Variants in CATSPERE observed in about 807,000 individuals in gnomAD.
CATSPERE encodes the protein cation channel sperm-associated auxiliary subunit epsilon.
CATSPERE carries 93 observed loss-of-function variants against 114.1 expected under a neutral mutation model. The observed-to-expected ratio is 0.81, with a 90% confidence interval of 0.69 to 0.97. The LOEUF (loss-of-function observed/expected upper bound fraction) is 0.97, where lower values mean the gene tolerates loss of function less well. Ranked by LOEUF, CATSPERE falls within the 50% of genes least tolerant of loss-of-function variation. The probability of loss-of-function intolerance (pLI) is 0.00; values close to 1 mark genes in which losing one functional copy is unlikely to be tolerated. For synonymous variants in CATSPERE, 341 were observed against 384.1 expected (o/e 0.89, Z 1.31); for missense variants, 1,058 against 1,131.6 (o/e 0.93, Z 0.93).
intron 8 of CATSPERE, among the ~76,000 whole-genome samples, chr1:244,522,601 GAAA>G: frequency 6.6e-6 from 1 of 151,610 alleles, no homozygotes; most frequent in South Asian, 2.1e-4. Flanking sequence ...AACTAATAAA[GAAA>G]AAAAGAGAGA....
chr1:244,475,863 C>T, intron 2 of CATSPERE, among the ~76,000 whole-genome samples: 1 of 152,098 alleles, frequency 6.6e-6, no homozygotes, highest in East Asian at 1.9e-4. Flanking sequence ...ATATTAAATG[C>T]TTTTACTGTT....
At chr1:244,487,341 C>T (rs896204711) in intron 5 of CATSPERE, among the ~76,000 whole-genome samples, 1 of 152,118 alleles carries the variant, frequency 6.6e-6, no homozygotes, top group Non-Finnish European at 1.5e-5. Context: ...CCATATTTCC[C>T]TTCTCAATAG....
At chr1:244,604,150 C>T (rs1157388667) in intron 17 of CATSPERE, among the ~76,000 whole-genome samples, 1 of 152,230 alleles carries the variant, frequency 6.6e-6, no homozygotes. Context: ...CACATGTGTG[C>T]ATTTGTCTGT....
At chr1:244,509,090 TC>T (rs1675294068) in intron 7 of CATSPERE, among the ~76,000 whole-genome samples, 1 of 152,044 alleles carries the variant, frequency 6.6e-6, no homozygotes, top group Non-Finnish European at 1.5e-5. Context: ...GGCTAGGACT[TC>T]CAATATTATG....
intron 21 of CATSPERE, among the ~76,000 whole-genome samples, chr1:244,639,500 G>A (rs1675067652): frequency 6.6e-6 from 1 of 152,166 alleles, no homozygotes; most frequent in African/African-American, 2.4e-5. Context: ...GACCAGCCTG[G>A]CCAACATGGT....
intron 20 of CATSPERE, among the ~76,000 whole-genome samples, chr1:244,619,059 A>C (rs1671759785): frequency 6.6e-6 from 1 of 152,180 alleles, no homozygotes; most frequent in South Asian, 2.1e-4. Context: ...TATTGAGATA[A>C]GAGTTCTGAC....
intron 8 of CATSPERE, among the ~76,000 whole-genome samples, chr1:244,543,568 G>C (rs1659216965): frequency 1.3e-5 from 2 of 150,760 alleles, no homozygotes; most frequent in South Asian, 4.2e-4. Context: ...AGATTATTGT[G>C]TATCAGGGTG....
intron 7 of CATSPERE, among the ~76,000 whole-genome samples, chr1:244,514,567 C>T (rs1014896558): frequency 3.9e-5 from 6 of 152,108 alleles, no homozygotes; most frequent in African/African-American, 4.8e-5. Flanking sequence ...CGGTGGCTCA[C>T]GCCTGTAATC....
At chr1:244,518,909 A>T (rs950467529) in intron 8 of CATSPERE, among the ~76,000 whole-genome samples, 1 of 152,104 alleles carries the variant, frequency 6.6e-6, no homozygotes, top group Non-Finnish European at 1.5e-5. Context: ...TCCATACATA[A>T]TCCTCAATCC....
At chr1:244,451,980 G>A (rs1392713572), upstream of CATSPERE, 5 of 667,068 alleles carry the variant, frequency 7.5e-6, no homozygotes, top group East Asian at 6.6e-5. The surrounding 1 kb of genome is among the most constrained non-coding windows in gnomAD (Gnocchi z 6.6). Flanking sequence ...TCCCCGCCCC[G>A]CTCTCCGCCA....
At chr1:244,472,799 G>T (rs1668706800) in intron 2 of CATSPERE, among the ~76,000 whole-genome samples, 1 of 151,966 alleles carries the variant, frequency 6.6e-6, no homozygotes. Flanking sequence ...CCCCTCCCCA[G>T]CCCCTTACAA....
chr1:244,572,575 T>C lies in CATSPERE; in HGVS notation c.1753T>C (p.Tyr585His). ...TTTCACAACAAAAGACAAATGCCCATACATGGCATTTCATAACAATGTTGC... is the reference window on the plus strand; with the variant it reads ...TTTCACAACAAAAGACAAATGCCCACACATGGCATTTCATAACAATGTTGC... The part of the protein sequence containing the change: ...IAFTTKDKCP[Y>H]MAFHNNVAHV... Residue 585 changes from tyrosine to histidine, a missense_variant, in exon 11 of 22, where the codon TAC becomes CAC. Coordinates refer to ENST00000366534, the MANE Select transcript of CATSPERE (RefSeq NM_001130957.2). 1 of 1,613,984 alleles carries C rather than the reference T, an allele frequency of 6.2e-7. No individual in the cohort carries two copies. Among genetic ancestry groups the C allele is most frequent in the Non-Finnish European group, 8.5e-7 (1 of 1,179,844 alleles).
chr1:244,629,327 A>G (rs150982575), intron 20 of CATSPERE, among the ~76,000 whole-genome samples: 1 of 152,270 alleles, frequency 6.6e-6, no homozygotes, highest in Non-Finnish European at 1.5e-5. Context: ...GTCCCTCTGC[A>G]TATTTGGAGA....
intron 7 of CATSPERE, among the ~76,000 whole-genome samples, chr1:244,507,294 A>C (rs1054889475): frequency 6.6e-6 from 1 of 152,262 alleles, no homozygotes; most frequent in Admixed American, 6.5e-5. Context: ...GCTGGATTGC[A>C]TGGTAGTTTC....
At chr1:244,606,560 G>A (rs566972054) in intron 18 of CATSPERE, among the ~76,000 whole-genome samples, 8 of 150,208 alleles carry the variant, frequency 5.3e-5, no homozygotes, top group Admixed American at 5.3e-4. Flanking sequence ...AGAGAACTGA[G>A]TTCCACCTGC....
chr1:244,602,594 C>T (rs967153449), intron 17 of CATSPERE, among the ~76,000 whole-genome samples: 3 of 152,176 alleles, frequency 2.0e-5, no homozygotes. Flanking sequence ...TAGCTGGGAA[C>T]CCAAGTCATC....
chr1:244,492,499 G>C (rs1221586821), intron 6 of CATSPERE, among the ~76,000 whole-genome samples: 1 of 145,182 alleles, frequency 6.9e-6, no homozygotes, highest in South Asian at 2.2e-4. Flanking sequence ...TACTGAATGG[G>C]CAAAAACTGG....
intron 13 of CATSPERE, among the ~76,000 whole-genome samples, chr1:244,584,540 A>ATATTATATTATATTATATTATATTATAT (rs548449574): frequency 0.022 from 2,623 of 118,856 alleles, 89 homozygotes; most frequent in African/African-American, 0.076. Flanking sequence ...TTACTATATT[A>ATATTATATTATATTATATTATATTATAT]TATATTATAT....
intron 8 of CATSPERE, among the ~76,000 whole-genome samples, chr1:244,519,445 T>C (rs955331677): frequency 2.6e-5 from 4 of 152,206 alleles, no homozygotes; most frequent in African/African-American, 9.6e-5. Context: ...TAGAAAAAAC[T>C]TGATTCCCTG....
Sources: gnomAD v4.1 joint callset for allele counts (sites outside exome capture counted in the v4.1 genomes callset) on GRCh38, gnomAD v4.1.1 for gene constraint, Gnocchi (gnomAD v3.1) non-coding constraint, MANE v1.5 for transcripts, NCBI Gene and HGNC (gene_info 2026-07-23, HGNC 2026-07-21) for gene names.